The following ZMIZ1 variants were observed in gnomAD, a reference collection of about 807,000 sequenced individuals.
ZMIZ1 encodes the protein zinc finger MIZ-type containing 1, also known as zinc finger MIZ domain-containing protein 1.
Under a neutral mutation model 113.9 loss-of-function variants are expected in ZMIZ1, and 17 were observed. The ratio of observed to expected loss-of-function variants is 0.15; its 90% CI spans 0.10 to 0.22. ZMIZ1 has a LOEUF of 0.22. Among genes scored for constraint, ZMIZ1 ranks in the 10% least tolerant of loss-of-function variants. ZMIZ1 has a pLI of 1.00. For synonymous variants in ZMIZ1, 607 were observed against 603.1 expected, an observed-to-expected ratio of 1.01 and a Z score of -0.09; for missense variants, 1,059 against 1,477.8, an observed-to-expected ratio of 0.72 and a Z score of 4.65.
chr10:79,260,519 A>G (rs1199594865), intron 7 of ZMIZ1, among the ~76,000 whole-genome samples: 3 of 152,230 alleles, frequency 2.0e-5, no homozygotes. Context: ...GGTGCCAAGG[A>G]TAGAATAACC....
chr10:79,119,599 T>G (rs1442650229), intron 2 of ZMIZ1, among the ~76,000 whole-genome samples: 1 of 152,198 alleles, frequency 6.6e-6, no homozygotes, highest in East Asian at 1.9e-4. Context: ...TGGCCTACTC[T>G]GCCTCTGGCC....
chr10:79,080,300 CTTTTTTTTTTT>C (rs10592440), intron 1 of ZMIZ1, among the ~76,000 whole-genome samples: 1 of 85,022 alleles, frequency 1.2e-5, no homozygotes, highest in African/African-American at 5.4e-5. Flanking sequence ...TCGGGTGTGA[CTTTTTTTTTTT>C]TTTTTTTTTT....
At chr10:79,301,295 G>A (rs1351499756) in intron 17 of ZMIZ1, among the ~76,000 whole-genome samples, 3 of 152,054 alleles carry the variant, frequency 2.0e-5, no homozygotes, top group Non-Finnish European at 2.9e-5. Flanking sequence ...GCCATGTCCT[G>A]CTTGCCTCAT....
chr10:79,222,063 C>G (rs1439489597), intron 7 of ZMIZ1, among the ~76,000 whole-genome samples: 3 of 152,238 alleles, frequency 2.0e-5, no homozygotes, highest in Non-Finnish European at 4.4e-5. Flanking sequence ...GAACTGCCAC[C>G]ACTGAGGAAG....
chr10:79,126,827 G>C (rs913053365), intron 2 of ZMIZ1, among the ~76,000 whole-genome samples: 2 of 152,156 alleles, frequency 1.3e-5, no homozygotes, highest in Non-Finnish European at 2.9e-5. Context: ...CTGATGCTGG[G>C]GATATGAGCT....
At chr10:79,223,002 A>G (rs572432847) in intron 7 of ZMIZ1, among the ~76,000 whole-genome samples, 157 of 152,274 alleles carry the variant, frequency 1.0e-3, no homozygotes, top group Non-Finnish European at 1.8e-3. Flanking sequence ...GTGGACTCTC[A>G]GACCCCGTGG....
intron 7 of ZMIZ1, among the ~76,000 whole-genome samples, chr10:79,276,702 G>A (rs1454682380): frequency 6.6e-6 from 1 of 152,180 alleles, no homozygotes; most frequent in African/African-American, 2.4e-5. Flanking sequence ...CAAACCTTGT[G>A]ATGTTTGAGC....
chr10:79,314,966 A>T lies in ZMIZ1; in HGVS notation c.*2217A>T, dbSNP rs569493685. ...TTAGGAGTTCTTGCTTCTTGCGTTG[A>T]TACTTTGCCCCAGAAAGGCCTGGGA... On this transcript the variant is annotated 3_prime_UTR_variant, in exon 25 of 25. Transcript: ENST00000334512. 6.5e-6 allele frequency: 1 copy of T among 152,832 alleles called. No individual in the cohort carries two copies. Among genetic ancestry groups the T allele is most frequent in the South Asian group, 2.1e-4 (1 of 4,830 alleles). 9.5% of individuals were successfully genotyped at this position (152,832 alleles called of 1,614,324 possible). A position where few individuals can be genotyped will look rare whatever the true frequency, so the allele number is the denominator to read the frequency against.
intron 4 of ZMIZ1, among the ~76,000 whole-genome samples, chr10:79,188,299 C>G (rs549554035): frequency 4.6e-5 from 7 of 152,268 alleles, no homozygotes; most frequent in African/African-American, 1.7e-4. Context: ...TTGGATGGGA[C>G]AGGGGAGGGT....
chr10:79,256,689 G>T (rs1264726554), intron 7 of ZMIZ1, among the ~76,000 whole-genome samples: 1 of 152,186 alleles, frequency 6.6e-6, no homozygotes, highest in Non-Finnish European at 1.5e-5. Flanking sequence ...GTTTCCACAG[G>T]GGGCATGTCT....
chr10:79,304,312 C>A, intron 19 of ZMIZ1, 137 bp downstream of exon 19: 1 of 1,195,772 alleles, frequency 8.4e-7, no homozygotes, highest in Non-Finnish European at 1.1e-6. Flanking sequence ...GCTGGCGTCA[C>A]TCATTAATTT....
intron 24 of ZMIZ1, 151 bp from the exon 25 acceptor site, chr10:79,312,491 C>G (rs1276802717): frequency 1.4e-5 from 11 of 767,174 alleles, no homozygotes; most frequent in African/African-American, 3.5e-5. Flanking sequence ...ACCTGGCAGG[C>G]CCAAGCCCAA....
intron 1 of ZMIZ1, among the ~76,000 whole-genome samples, chr10:79,102,158 C>G (rs1452081840): frequency 6.6e-6 from 1 of 152,198 alleles, no homozygotes; most frequent in African/African-American, 2.4e-5. Context: ...TACAAACAAC[C>G]CAAGGGAACA....
rs1052940260 is a variant in ZMIZ1, at chr10:79,314,444, T to G, written c.*1695T>G. The G allele has an allele frequency of 5.7e-6, 2 of 348,122 alleles. No individual in the cohort carries two copies. Among genetic ancestry groups the G allele is most frequent in the Non-Finnish European group, 1.1e-5 (2 of 175,648 alleles). The allele number at this position is 348,122 out of a possible 1,614,324, so 21.6% of individuals were successfully genotyped here. ...CACTGTCCCAGACGGCACAAGGTTTTCTGTAGGAAAGCTGCCATTGCCCCG... is the reference window on the plus strand; with the variant it reads ...CACTGTCCCAGACGGCACAAGGTTTGCTGTAGGAAAGCTGCCATTGCCCCG... On this transcript the variant is annotated 3_prime_UTR_variant, in exon 25 of 25. Transcript: ENST00000334512.
chr10:79,261,152 C>T (rs940210761), intron 7 of ZMIZ1, among the ~76,000 whole-genome samples: 3 of 152,170 alleles, frequency 2.0e-5, no homozygotes, highest in East Asian at 1.9e-4. Context: ...CCAGGCTGAG[C>T]GTCATGAAAG....
chr10:79,255,667 C>T (rs1850843935), intron 7 of ZMIZ1, among the ~76,000 whole-genome samples: 1 of 152,108 alleles, frequency 6.6e-6, no homozygotes, highest in South Asian at 2.1e-4. Flanking sequence ...CATGAGGGTG[C>T]CTTTGCCATC....
intron 1 of ZMIZ1, among the ~76,000 whole-genome samples, chr10:79,098,344 C>G (rs1843242228): frequency 6.6e-6 from 1 of 152,168 alleles, no homozygotes. Context: ...GTGGTTAGCA[C>G]AAGCACTCTG....
intron 1 of ZMIZ1, among the ~76,000 whole-genome samples, chr10:79,102,760 A>T (rs1361674479): frequency 1.3e-5 from 2 of 152,228 alleles, no homozygotes; most frequent in Admixed American, 1.3e-4. Context: ...TCCGCGGCTC[A>T]GTGCCCTCAT....
At chr10:79,268,947 G>A (rs1851768209) in intron 7 of ZMIZ1, among the ~76,000 whole-genome samples, 2 of 152,192 alleles carry the variant, frequency 1.3e-5, no homozygotes, top group South Asian at 2.1e-4. Flanking sequence ...GGAGCAAAGG[G>A]AACAGACTGC....
Sources: allele counts gnomAD v4.1 joint callset (sites outside exome capture counted in the v4.1 genomes callset), GRCh38; gene constraint gnomAD v4.1.1; transcripts MANE v1.5; gene names NCBI Gene and HGNC (gene_info 2026-07-23, HGNC 2026-07-21).